Variants in AEBP2 observed in about 807,000 individuals in gnomAD.
The protein encoded by AEBP2 is AE binding protein 2, also known as zinc finger protein AEBP2.
AEBP2 carries 10 observed loss-of-function variants against 50.8 expected under a neutral mutation model. The ratio of observed to expected loss-of-function variants is 0.20; its 90% CI spans 0.12 to 0.33. The LOEUF (loss-of-function observed/expected upper bound fraction) is 0.33. Among genes scored for constraint, AEBP2 ranks in the 10% least tolerant of loss-of-function variants. AEBP2 has a pLI of 1.00. For missense variants in AEBP2, 570 were observed against 688.0 expected, an observed-to-expected ratio of 0.83 and a Z score of 1.92; for synonymous variants, 296 against 261.3, an observed-to-expected ratio of 1.13 and a Z score of -1.28.
intron 1 of AEBP2, among the ~76,000 whole-genome samples, chr12:19,421,229 T>C (rs1213673847): frequency 2.7e-5 from 4 of 150,374 alleles, no homozygotes; most frequent in Non-Finnish European, 5.9e-5. Context: ...CTGTAATCCC[T>C]GCTACTCAGG....
chr12:19,405,365 C>T (rs959800552), intron 1 of AEBP2, among the ~76,000 whole-genome samples: 1 of 149,870 alleles, frequency 6.7e-6, no homozygotes, highest in Non-Finnish European at 1.5e-5. Context: ...CTCGCTCTGT[C>T]GCCAGGCTGG....
chr12:19,410,990 A>G (rs1308163515), intron 1 of AEBP2, among the ~76,000 whole-genome samples: 1 of 152,172 alleles, frequency 6.6e-6, no homozygotes, highest in African/African-American at 2.4e-5. Context: ...TTCCATATCA[A>G]TGGCAGAGAA....
chr12:19,489,183 C>T (rs948399211), intron 3 of AEBP2, among the ~76,000 whole-genome samples: 1 of 152,202 alleles, frequency 6.6e-6, no homozygotes, highest in African/African-American at 2.4e-5. Context: ...TATAAAGATA[C>T]TACCTGAGAC....
chr12:19,518,015 T>A, intron 7 of AEBP2, 72 bp from the exon 8 acceptor site: 1 of 1,366,040 alleles, frequency 7.3e-7, no homozygotes, highest in African/African-American at 1.5e-5. Flanking sequence ...ATTAATATTT[T>A]TAATGTCTCT....
At position 19,440,155 on chromosome 12, in the gene AEBP2, G is replaced by C. The variant is rs1290418715; in HGVS notation, c.456G>C (p.Gly152=). 6.6e-7 allele frequency: 1 copy of C among 1,505,720 alleles called. No homozygotes were observed. Among genetic ancestry groups the C allele is most frequent in the Admixed American group, 2.1e-5 (1 of 48,264 alleles). The allele number at this position is 1,505,720 out of a possible 1,614,324, so 93.3% of individuals were successfully genotyped here. Residue 152 remains glycine (G), a synonymous_variant, in exon 1 of 8, where the codon GGG becomes GGC. Transcript: ENST00000266508. ...CCGCCAGCAGCAGCAGCGGGGATGGGGACGGCAAGGAGGGCCTGGAGGAGC... is the reference window on the plus strand; with the variant it reads ...CCGCCAGCAGCAGCAGCGGGGATGGCGACGGCAAGGAGGGCCTGGAGGAGC... The part of the protein sequence containing the change: ...PGAASSSSGD[G]DGKEGLEEPK...
intron 5 of AEBP2, among the ~76,000 whole-genome samples, chr12:19,501,190 G>C (rs1419044801): frequency 2.0e-5 from 3 of 152,040 alleles, no homozygotes; most frequent in African/African-American, 7.2e-5. Context: ...AATTACCTGG[G>C]TGTGGTAGTG....
intron 3 of AEBP2, among the ~76,000 whole-genome samples, chr12:19,480,215 T>A (rs1438218895): frequency 6.6e-6 from 1 of 152,128 alleles, no homozygotes; most frequent in Non-Finnish European, 1.5e-5. Context: ...CAATTCTGCC[T>A]GCCTCACCCT....
At chr12:19,500,295 C>G in intron 5 of AEBP2, 74 bp downstream of exon 5, 1 of 1,284,732 alleles carries the variant, frequency 7.8e-7, no homozygotes, top group East Asian at 2.9e-5. Flanking sequence ...ATTTCTAAAT[C>G]TCTCAAAATC....
At chr12:19,496,129 A>G (rs1029367771) in intron 4 of AEBP2, among the ~76,000 whole-genome samples, 1 of 152,154 alleles carries the variant, frequency 6.6e-6, no homozygotes, top group Non-Finnish European at 1.5e-5. Context: ...TTCACATTAT[A>G]TACTTGGAAA....
chr12:19,413,630 C>A (rs1238155557), intron 1 of AEBP2, among the ~76,000 whole-genome samples: 1 of 152,036 alleles, frequency 6.6e-6, no homozygotes, highest in Non-Finnish European at 1.5e-5. Context: ...ACAGAGCAGC[C>A]CAGCGGGCCG....
At chr12:19,489,272 A>G (rs1016456671) in intron 3 of AEBP2, among the ~76,000 whole-genome samples, 4 of 152,248 alleles carry the variant, frequency 2.6e-5, no homozygotes, top group African/African-American at 4.8e-5. Flanking sequence ...AACTACAGTC[A>G]TGGTGGAAGG....
intron 1 of AEBP2, among the ~76,000 whole-genome samples, chr12:19,434,453 G>C (rs113771883): frequency 6.6e-6 from 1 of 152,216 alleles, no homozygotes; most frequent in East Asian, 1.9e-4. Context: ...GATTACAGGC[G>C]TAAGCCACTG....
At chr12:19,414,184 G>A (rs1010707958) in intron 1 of AEBP2, among the ~76,000 whole-genome samples, 4 of 152,028 alleles carry the variant, frequency 2.6e-5, no homozygotes, top group East Asian at 1.9e-4. Flanking sequence ...GAGCCATTGC[G>A]CCCGGCCAAC....
intron 2 of AEBP2, among the ~76,000 whole-genome samples, chr12:19,465,649 C>A (rs1948459168): frequency 6.6e-6 from 1 of 151,954 alleles, no homozygotes; most frequent in South Asian, 2.1e-4. Flanking sequence ...GCCTTGGCCT[C>A]TGAAAATGCT....
Position 19,439,524 on chromosome 12 carries a change from T to C in AEBP2, c.-176T>C. 6 of 818,504 alleles carry C rather than the reference T, an allele frequency of 7.3e-6. No individual in the cohort carries two copies. The highest frequency in any genetic ancestry group is 1.1e-5 in the Non-Finnish European group (6 of 558,394). The allele number at this position is 818,504 out of a possible 1,614,324, so 50.7% of individuals were successfully genotyped here. On this transcript the variant is annotated 5_prime_UTR_variant, in exon 1 of 8. Transcript: ENST00000266508. Reference sequence around the variant, plus strand: ...GTGTGAGTGCGCGTAGTCGCGCGCCTGTCCCCGCGCGGGCTCCGTAGCGCG... The same window carrying C: ...GTGTGAGTGCGCGTAGTCGCGCGCCCGTCCCCGCGCGGGCTCCGTAGCGCG...
chr12:19,521,617 A>G lies in AEBP2; in HGVS notation c.*3500A>G, dbSNP rs1343752116. On this transcript the variant is annotated 3_prime_UTR_variant, in exon 8 of 8. Coordinates refer to ENST00000266508, the MANE Select transcript of AEBP2 (RefSeq NM_153207.5). ...TCACATGAAAGGAAATTAAAGATGG[A>G]CAATAATTATCTCTCAATATTTTAA... The G allele has an allele frequency of 6.6e-6, 1 of 152,158 alleles. No individual in the cohort carries two copies. Among genetic ancestry groups the G allele is most frequent in the African/African-American group, 2.4e-5 (1 of 41,456 alleles). 9.4% of individuals were successfully genotyped at this position (152,158 alleles called of 1,614,324 possible).
chr12:19,440,102 G>T lies in AEBP2; in HGVS notation c.403G>T (p.Asp135Tyr). The T allele has an allele frequency of 2.7e-6, 4 of 1,507,824 alleles. No individual in the cohort carries two copies. Among genetic ancestry groups the T allele is most frequent in the Non-Finnish European group, 3.5e-6 (4 of 1,134,430 alleles). 93.4% of individuals were successfully genotyped at this position (1,507,824 alleles called of 1,614,324 possible). A position where few individuals can be genotyped will look rare whatever the true frequency, so the allele number is the denominator to read the frequency against. The change falls in exon 1 of 8, where the codon GAC becomes TAC. Residue 135 changes from aspartate to tyrosine, a missense_variant. Asp to Tyr is a radical substitution (Grantham distance 160). Transcript: ENST00000266508. Reference protein sequence around the residue: ...LVGSSGGSSSDETRSLSPGAA... With the variant: ...LVGSSGGSSSYETRSLSPGAA... ...GGGCAGCAGCGGCGGGAGCAGCAGC[G>T]ACGAGACCCGCTCGTTGAGCCCCGG...
intron 4 of AEBP2, among the ~76,000 whole-genome samples, chr12:19,498,814 CACTAAAAT>C (rs2120497289): frequency 6.6e-6 from 1 of 151,918 alleles, no homozygotes; most frequent in East Asian, 1.9e-4. Context: ...TTTTTGATCA[CACTAAAAT>C]ACTGCCTACT....
intron 3 of AEBP2, among the ~76,000 whole-genome samples, chr12:19,481,110 T>C (rs973563606): frequency 3.2e-4 from 44 of 138,868 alleles, no homozygotes; most frequent in Non-Finnish European, 4.8e-4. Context: ...TTTTTTTTTT[T>C]TTTTTTTTGA....
Sources: gnomAD v4.1 joint callset for allele counts (sites outside exome capture counted in the v4.1 genomes callset) on GRCh38, gnomAD v4.1.1 for gene constraint, MANE v1.5 for transcripts, NCBI Gene and HGNC (gene_info 2026-07-23, HGNC 2026-07-21) for gene names.